The following ZHX2 variants were observed in gnomAD, a reference collection of about 807,000 sequenced individuals.
ZHX2 encodes the protein zinc fingers and homeoboxes protein 2.
Under a neutral mutation model 21.9 loss-of-function variants are expected in ZHX2, and 6 were observed. The ratio of observed to expected loss-of-function variants is 0.27; its 90% CI spans 0.15 to 0.54. The LOEUF (loss-of-function observed/expected upper bound fraction) is 0.54, where lower values mean the gene tolerates loss of function less well. Ranked by LOEUF, ZHX2 falls within the 20% of genes least tolerant of loss-of-function variation. ZHX2 has a pLI of 0.95. For missense variants in ZHX2, 908 were observed against 1,090.7 expected, an observed-to-expected ratio of 0.83 and a Z score of 2.36; for synonymous variants, 434 against 437.1, an observed-to-expected ratio of 0.99 and a Z score of 0.09.
chr8:122,857,187 C>T (rs1040973830), intron 1 of ZHX2, among the ~76,000 whole-genome samples: 1 of 152,110 alleles, frequency 6.6e-6, no homozygotes, highest in Admixed American at 6.5e-5. Context: ...CTTGAGTTAG[C>T]GCAATAATGT....
intron 1 of ZHX2, among the ~76,000 whole-genome samples, chr8:122,847,972 A>G (rs1456066002): frequency 6.6e-6 from 1 of 152,180 alleles, no homozygotes; most frequent in East Asian, 1.9e-4. Context: ...GGCTCCAAAC[A>G]TGGCCTTCCA....
intron 1 of ZHX2, among the ~76,000 whole-genome samples, chr8:122,797,733 C>A (rs1193988393): frequency 6.6e-6 from 1 of 152,162 alleles, no homozygotes; most frequent in Admixed American, 6.5e-5. Context: ...AAAAAAATTT[C>A]TTTTGCAGCC....
chr8:122,952,906 G>A lies in ZHX2; in HGVS notation c.1396G>A (p.Asp466Asn), dbSNP rs779513082. The part of the protein sequence containing the change: ...ASFLQSQFPD[D>N]AEVYRLIEVT... ...CTTTCTCCAGAGCCAGTTCCCTGAC[G>A]ATGCCGAGGTTTACCGGCTCATCGA... The change falls in exon 3 of 4, where the codon GAT becomes AAT. Residue 466 changes from aspartate to asparagine, a missense_variant. Coordinates refer to ENST00000314393, the MANE Select transcript of ZHX2 (RefSeq NM_014943.5). This position sits in a 1 kb window ranked among gnomAD's most constrained non-coding sequence, Gnocchi z 6.9. 8.7e-6 allele frequency: 14 copies of A among 1,614,130 alleles called. No homozygotes were observed. The highest frequency in any genetic ancestry group is 1.6e-4 in the Middle Eastern group (1 of 6,062).
chr8:122,909,520 C>T (rs1240539626), intron 2 of ZHX2, among the ~76,000 whole-genome samples: 2 of 152,210 alleles, frequency 1.3e-5, no homozygotes, highest in South Asian at 2.1e-4. Context: ...GTTTGCATCC[C>T]TGGAGGTTCC....
At chr8:122,790,104 C>A (rs1381450048) in intron 1 of ZHX2, among the ~76,000 whole-genome samples, 1 of 152,120 alleles carries the variant, frequency 6.6e-6, no homozygotes, top group East Asian at 1.9e-4. Flanking sequence ...TTTCCTGGTA[C>A]AGGATATATA....
At chr8:122,794,887 T>C (rs757754291) in intron 1 of ZHX2, among the ~76,000 whole-genome samples, 1 of 152,214 alleles carries the variant, frequency 6.6e-6, no homozygotes, top group Non-Finnish European at 1.5e-5. Flanking sequence ...TTTTTTCTAC[T>C]CTGGAGATAT....
intron 2 of ZHX2, among the ~76,000 whole-genome samples, chr8:122,915,814 A>G (rs1784053103): frequency 6.6e-6 from 1 of 152,052 alleles, no homozygotes; most frequent in East Asian, 1.9e-4. Context: ...GGTGCTGGGA[A>G]CTCTTCCCCA....
chr8:122,938,761 C>T (rs905240547), intron 2 of ZHX2, among the ~76,000 whole-genome samples: 8 of 151,712 alleles, frequency 5.3e-5, no homozygotes, highest in South Asian at 2.1e-4. Context: ...TTGCTTGAGC[C>T]GAGGAGGCCA....
intron 2 of ZHX2, among the ~76,000 whole-genome samples, chr8:122,896,971 A>G (rs758828639): frequency 6.6e-6 from 1 of 152,214 alleles, no homozygotes; most frequent in Non-Finnish European, 1.5e-5. Context: ...ATGGGGATAA[A>G]TATACTATTA....
chr8:122,855,317 G>A (rs950707702), intron 1 of ZHX2, among the ~76,000 whole-genome samples: 1 of 152,194 alleles, frequency 6.6e-6, no homozygotes, highest in Non-Finnish European at 1.5e-5. Context: ...AAGTTTGTAT[G>A]TGATTTTTTG....
rs1378710261 is a variant in ZHX2, at chr8:122,953,666, G to C, written c.2156G>C (p.Ser719Thr). The C allele has an allele frequency of 6.2e-7, 1 of 1,614,256 alleles. No homozygotes were observed. Among genetic ancestry groups the C allele is most frequent in the Admixed American group, 1.7e-5 (1 of 60,034 alleles). Reference sequence around the variant, plus strand: ...AAAGCAACAAAACCCATGGCCGAGAGCCCAAAGAACGGGGGTGATGTGGTT... The same window carrying C: ...AAAGCAACAAAACCCATGGCCGAGACCCCAAAGAACGGGGGTGATGTGGTT... ...ARKATKPMAE[S>T]PKNGGDVVPQ... is the part of the protein sequence containing the mutation. The change falls in exon 3 of 4, where the codon AGC becomes ACC. Residue 719 changes from serine to threonine, a missense_variant. This residue lies in a region of ZHX2 where 431 missense variants were observed against 428.6 expected (regional missense o/e 1.01). Transcript: ENST00000314393. The surrounding 1 kb of genome is among the most constrained non-coding windows in gnomAD (Gnocchi z 4.6).
chr8:122,957,505 TG>T (rs998975450), intron 3 of ZHX2, among the ~76,000 whole-genome samples: 1 of 152,088 alleles, frequency 6.6e-6, no homozygotes, highest in Non-Finnish European at 1.5e-5. Context: ...TCTTCCTCTG[TG>T]GCCCAGGCTG....
intron 2 of ZHX2, among the ~76,000 whole-genome samples, chr8:122,937,641 G>T (rs929258034): frequency 1.3e-5 from 2 of 151,026 alleles, no homozygotes; most frequent in African/African-American, 4.9e-5. Context: ...GTGCTGTGGC[G>T]CTGTCTCGGC....
chr8:122,848,220 G>A (rs1367002434), intron 1 of ZHX2, among the ~76,000 whole-genome samples: 2 of 152,126 alleles, frequency 1.3e-5, no homozygotes, highest in South Asian at 2.1e-4. Flanking sequence ...GTCTCTGTGT[G>A]TGTGTGCGCC....
At chr8:122,891,118 G>C (rs1819964968) in intron 2 of ZHX2, among the ~76,000 whole-genome samples, 1 of 152,078 alleles carries the variant, frequency 6.6e-6, no homozygotes, top group African/African-American at 2.4e-5. Context: ...GAGAAGAATT[G>C]GTGTTAGTTC....
intron 3 of ZHX2, among the ~76,000 whole-genome samples, chr8:122,969,717 G>A (rs1228679963): frequency 1.3e-5 from 2 of 152,090 alleles, no homozygotes; most frequent in African/African-American, 2.4e-5. Flanking sequence ...AATAAACCTT[G>A]CTACACCTCT....
chr8:122,941,855 G>T lies in ZHX2; in HGVS notation c.-219-9437G>T, dbSNP rs1812852520. 2.0e-5 allele frequency among the ~76,000 whole-genome samples: 3 copies of T among 152,250 alleles called. No individual in the cohort carries two copies. The South Asian group carries it at 6.2e-4, about 32-fold the overall frequency. On this transcript the variant is annotated intron_variant, in intron 2 of 3. Coordinates refer to ENST00000314393, the MANE Select transcript of ZHX2 (RefSeq NM_014943.5). ...CCCAGGCTCTGCACCTGGAGGCTTG[G>T]GTGTAGTAACTCTGGACTGAGGTTC...
intron 1 of ZHX2, among the ~76,000 whole-genome samples, chr8:122,852,086 A>G (rs1818915278): frequency 6.6e-6 from 1 of 152,180 alleles, no homozygotes; most frequent in Non-Finnish European, 1.5e-5. Flanking sequence ...AGGTGTCTGC[A>G]AAGCATCGTT....
intron 1 of ZHX2, among the ~76,000 whole-genome samples, chr8:122,813,020 A>G (rs1817961917): frequency 6.6e-6 from 1 of 152,098 alleles, no homozygotes; most frequent in Admixed American, 6.6e-5. Flanking sequence ...ACATGGAGAA[A>G]CCCCATCTCT....
Sources: gnomAD v4.1 joint callset for allele counts (sites outside exome capture counted in the v4.1 genomes callset) on GRCh38, gnomAD v4.1.1 for gene constraint, gnomAD v4.1.1 regional missense constraint, Gnocchi (gnomAD v3.1) non-coding constraint, MANE v1.5 for transcripts, NCBI Gene and HGNC (gene_info 2026-07-23, HGNC 2026-07-21) for gene names.